DNAH14: variants seen among roughly 807,000 people sequenced by gnomAD.
DNAH14 encodes axonemal beta dynein heavy chain 14.
Under a neutral mutation model 520.9 loss-of-function variants are expected in DNAH14, and 478 were observed. The ratio of observed to expected loss-of-function variants is 0.92; its 90% confidence interval spans 0.85 to 0.99. The LOEUF is 0.99. Among genes scored for constraint, DNAH14 ranks in the 50% least tolerant of loss-of-function variants. The pLI is 0.00. For missense variants in DNAH14, 4,831 were observed against 5,234.5 expected (o/e 0.92, Z 2.38); for synonymous variants, 1,581 against 1,757.2 (o/e 0.90, Z 2.51).
intron 36 of DNAH14, among the ~76,000 whole-genome samples, chr1:225,179,622 A>T (rs879759602): frequency 6.6e-6 from 1 of 152,178 alleles, no homozygotes; most frequent in African/African-American, 2.4e-5. Context: ...TTTAGTCTTC[A>T]TGTTAAAGAT....
At chr1:225,075,399 G>A (rs1047578773) in intron 17 of DNAH14, among the ~76,000 whole-genome samples, 1 of 152,116 alleles carries the variant, frequency 6.6e-6, no homozygotes, top group Admixed American at 6.5e-5. Context: ...CTCTCTGTGA[G>A]AGCAATGCAT....
chr1:225,075,734 A>G (rs1436304333), intron 17 of DNAH14, among the ~76,000 whole-genome samples: 1 of 152,064 alleles, frequency 6.6e-6, no homozygotes, highest in South Asian at 2.1e-4. Flanking sequence ...ATACAACTCT[A>G]TTTCTTTAGG....
Position 225,351,674 on chromosome 1 carries a change from A to G in DNAH14, c.11324A>G (p.His3775Arg). ...ACATTTGAAATAGGTGAAAGTCAAC[A>G]TCTTCAGTGGCTGTCAGATTCCAGG... ...TSTFEIGESQ[H>R]LQWLSDSRWR... The change falls in exon 72 of 86, where the codon CAT (histidine) becomes CGT (arginine). Residue 3775 changes from histidine (H) to arginine (R), a missense_variant. His to Arg is a conservative substitution (Grantham distance 29). Transcript: ENST00000682510. 4.5e-6 allele frequency: 7 copies of G among 1,548,784 alleles called. No homozygotes were observed. Among genetic ancestry groups the G allele is most frequent in the Non-Finnish European group, 6.1e-6 (7 of 1,144,898 alleles).
intron 36 of DNAH14, among the ~76,000 whole-genome samples, chr1:225,182,041 A>G (rs908514118): frequency 7.2e-6 from 1 of 138,266 alleles, no homozygotes; most frequent in African/African-American, 3.4e-5. Flanking sequence ...TAAAAATACC[A>G]AAAAAAAATT....
chr1:224,987,585 C>A (rs2062730732), intron 8 of DNAH14, among the ~76,000 whole-genome samples: 1 of 152,112 alleles, frequency 6.6e-6, no homozygotes, highest in Admixed American at 6.6e-5. Context: ...GAAGGGCAAG[C>A]AAACAAGCTT....
At chr1:225,062,550 G>GA (rs34829728) in intron 17 of DNAH14, among the ~76,000 whole-genome samples, 5 of 151,490 alleles carry the variant, frequency 3.3e-5, no homozygotes, top group South Asian at 2.1e-4. Context: ...AAGCTATGAA[G>GA]AAAAAAAAAG....
At chr1:225,174,278 TAAAAG>T (rs150862746) in intron 36 of DNAH14, among the ~76,000 whole-genome samples, 16,898 of 152,026 alleles carry the variant, frequency 0.11, 1,444 homozygotes, top group East Asian at 0.23. Flanking sequence ...TAAAAAAAGT[TAAAAG>T]AAAAACAATA....
Position 225,023,828 on chromosome 1 carries a change from C to A in DNAH14, c.1321C>A (p.Pro441Thr). ...LELFNGSAGM[P>T]FSVEKKNENL... ...ATTATTTAATGGTTCTGCTGGAATG[C>A]CATTTTCAGTGGAAAAAAAGAATGA... The change falls in exon 11 of 86, where the codon CCA becomes ACA. Residue 441 changes from proline to threonine, a missense_variant. Coordinates refer to ENST00000682510, the MANE Select transcript of DNAH14 (RefSeq NM_001367479.1). 1.3e-6 allele frequency: 2 copies of A among 1,535,696 alleles called. No homozygotes were observed. Among genetic ancestry groups the A allele is most frequent in the Admixed American group, 2.0e-5 (1 of 49,406 alleles).
At chr1:225,058,953 A>C (rs191878228) in intron 17 of DNAH14, among the ~76,000 whole-genome samples, 2 of 152,116 alleles carry the variant, frequency 1.3e-5, no homozygotes, top group Admixed American at 1.3e-4. Flanking sequence ...ACTTCCAACT[A>C]TGTGGTCAAT....
chr1:225,021,426 T>C (rs1289444221), intron 10 of DNAH14, among the ~76,000 whole-genome samples: 1 of 152,174 alleles, frequency 6.6e-6, no homozygotes, highest in Non-Finnish European at 1.5e-5. Flanking sequence ...CTACATCTGA[T>C]AAAATAACTT....
chr1:225,185,536 G>A lies in DNAH14; in HGVS notation c.5670+111G>A, dbSNP rs1573822428. 7.7e-6 allele frequency: 9 copies of A among 1,166,382 alleles called. No individual in the cohort carries two copies. The East Asian group carries it at 2.5e-4, about 32-fold the overall frequency. 72.3% of individuals were successfully genotyped at this position (1,166,382 alleles called of 1,614,324 possible). A position where few individuals can be genotyped will look rare whatever the true frequency, so the allele number is the denominator to read the frequency against. The stretch of plus-strand genomic sequence containing the variant: ...ATTTTCATTACTTATTAAACTTATT[G>A]CTAGGAATTTTGTAGTTAAGAATCA... On this transcript the variant is annotated intron_variant, in intron 37 of 85. Transcript: ENST00000682510.
chr1:225,020,006 A>G (rs1021763569), intron 10 of DNAH14, among the ~76,000 whole-genome samples: 1 of 152,172 alleles, frequency 6.6e-6, no homozygotes, highest in Non-Finnish European at 1.5e-5. Flanking sequence ...AATTACAAAA[A>G]TTAGAGCAGA....
chr1:225,195,987 C>T (rs763063708), intron 38 of DNAH14, among the ~76,000 whole-genome samples: 2 of 151,914 alleles, frequency 1.3e-5, no homozygotes, highest in African/African-American at 2.4e-5. Context: ...CACAGTCTCA[C>T]ATTTTTAAGA....
In DNAH14 at chr1:225,394,512, A is replaced by G. The variant is rs1471598790; in HGVS notation, c.13491+2061A>G. On this transcript the variant is annotated intron_variant, in intron 84 of 85. Transcript: ENST00000682510. ...AAAATATTCTCCTGTTATCTTCTAG[A>G]AACTATATTGCTTTACCTTTCATTT... 1.3e-5 allele frequency among the ~76,000 whole-genome samples: 2 copies of G among 152,160 alleles called. 1 individual carries two copies. Among genetic ancestry groups the G allele is most frequent in the African/African-American group, 4.8e-5 (2 of 41,436 alleles).
At chr1:225,076,793 C>T (rs182046962) in intron 17 of DNAH14, among the ~76,000 whole-genome samples, 201 of 151,926 alleles carry the variant, frequency 1.3e-3, no homozygotes, top group African/African-American at 4.6e-3. Flanking sequence ...AAATAAAATA[C>T]CTTCTTTTTT....
intron 38 of DNAH14, among the ~76,000 whole-genome samples, chr1:225,198,818 T>C (rs1365482010): frequency 6.6e-6 from 1 of 152,196 alleles, no homozygotes; most frequent in African/African-American, 2.4e-5. Flanking sequence ...GTTATGTCCT[T>C]TCCTGGTTTT....
At chr1:224,938,079 A>G (rs377278162) in intron 1 of DNAH14, among the ~76,000 whole-genome samples, 145 of 152,192 alleles carry the variant, frequency 9.5e-4, no homozygotes, top group Admixed American at 1.5e-3. Flanking sequence ...GAATCTAAGA[A>G]CTGAAACTAT....
In DNAH14 at chr1:225,182,321, A is replaced by G. The variant is rs75754746; in HGVS notation, c.5536-2970A>G. Among the ~76,000 whole-genome samples, 887 of 152,336 alleles carry G rather than the reference A, an allele frequency of 5.8e-3. 4 individuals carry two copies. Among genetic ancestry groups the G allele is most frequent in the Non-Finnish European group, 9.1e-3 (622 of 68,024 alleles). On this transcript the variant is annotated intron_variant, in intron 36 of 85. Coordinates refer to ENST00000682510, the MANE Select transcript of DNAH14 (RefSeq NM_001367479.1). ...GGAAAAATGATTATTCACATAGGGAAAAATAGATCCTCAACTGGCACCTTA... is the reference window on the plus strand; with the variant it reads ...GGAAAAATGATTATTCACATAGGGAGAAATAGATCCTCAACTGGCACCTTA...
At chr1:225,138,889 G>A (rs1253173109) in intron 27 of DNAH14, among the ~76,000 whole-genome samples, 1 of 152,120 alleles carries the variant, frequency 6.6e-6, no homozygotes, top group East Asian at 1.9e-4. Flanking sequence ...TAAAGGTGTT[G>A]AATTCACTTG....
Sources: allele counts gnomAD v4.1 joint callset (sites outside exome capture counted in the v4.1 genomes callset), GRCh38; gene constraint gnomAD v4.1.1; transcripts MANE v1.5; gene names NCBI Gene and HGNC (gene_info 2026-07-23, HGNC 2026-07-21).